The following P3H2 variants were observed in gnomAD, a reference collection of about 807,000 sequenced individuals.
The protein encoded by P3H2 is leprecan-like 1.
In P3H2, 80 loss-of-function variants were observed where a neutral mutation model predicts 87.0. That is an observed-to-expected ratio of 0.92 (90% CI 0.77 to 1.11). P3H2 has a LOEUF of 1.11. Among genes scored for constraint, P3H2 ranks in the 50% least tolerant of loss-of-function variants. The probability of loss-of-function intolerance (pLI) is 0.00; values close to 1 mark genes in which losing one functional copy is unlikely to be tolerated. For missense variants in P3H2, 1,001 were observed against 923.9 expected, an observed-to-expected ratio of 1.08 and a Z score of -1.08; for synonymous variants, 367 against 359.3, an observed-to-expected ratio of 1.02 and a Z score of -0.24.
intron 1 of P3H2, among the ~76,000 whole-genome samples, chr3:190,013,197 C>A (rs906066319): frequency 3.9e-5 from 6 of 152,142 alleles, no homozygotes; most frequent in African/African-American, 1.2e-4. Context: ...GAGGGCTACA[C>A]AGTAAATACA....
intron 1 of P3H2, among the ~76,000 whole-genome samples, chr3:190,067,512 T>G (rs1251437060): frequency 6.6e-6 from 1 of 152,164 alleles, no homozygotes; most frequent in Non-Finnish European, 1.5e-5. Flanking sequence ...AGATAAATGC[T>G]ACCATTCTAT....
At position 189,970,895 on chromosome 3, in the gene P3H2, T is replaced by C. The variant is rs758527490; in HGVS notation, c.1818-4A>G. 4.0e-6 allele frequency: 6 copies of C among 1,509,554 alleles called. No individual in the cohort carries two copies. Among genetic ancestry groups the C allele is most frequent in the Admixed American group, 1.7e-5 (1 of 59,890 alleles). The allele number at this position is 1,509,554 out of a possible 1,614,324, so 93.5% of individuals were successfully genotyped here. Reference sequence around the variant, plus strand: ...ATCATTCATATATAGGAGAGCACTATAAGAATGAAGAGAAAACTATTTGTA... The same window carrying C: ...ATCATTCATATATAGGAGAGCACTACAAGAATGAAGAGAAAACTATTTGTA... On this transcript the variant is annotated splice_region_variant and splice_polypyrimidine_tract_variant and intron_variant, in intron 12 of 14. Coordinates refer to ENST00000319332, the MANE Select transcript of P3H2 (RefSeq NM_018192.4).
intron 1 of P3H2, among the ~76,000 whole-genome samples, chr3:190,074,765 T>A (rs543139873): frequency 6.6e-6 from 1 of 152,238 alleles, no homozygotes; most frequent in Non-Finnish European, 1.5e-5. Flanking sequence ...ATTTGCTTTA[T>A]GTCTTTTCTC....
chr3:190,015,634 C>T (rs74538487), intron 1 of P3H2, among the ~76,000 whole-genome samples: 1,584 of 152,254 alleles, frequency 0.01, 26 homozygotes, highest in African/African-American at 0.037. Flanking sequence ...AGAGTAGGTC[C>T]AGCATTTCTG....
intron 8 of P3H2, among the ~76,000 whole-genome samples, chr3:189,981,135 A>G (rs1239149353): frequency 6.6e-6 from 1 of 152,194 alleles, no homozygotes; most frequent in Non-Finnish European, 1.5e-5. Context: ...CTTTATAATA[A>G]ACCAGTAAAC....
rs550853478 is a variant in P3H2 at position 190,029,487 on chromosome 3, T to C, written c.481-34045A>G. ...AGAAGTATCAACAGGCAAAAGGAAA[T>C]TGGTGACTTTCTTTTTTTTTTGCTT... On this transcript the variant is annotated intron_variant, in intron 1 of 14. Transcript: ENST00000319332. 2.6e-5 allele frequency among the ~76,000 whole-genome samples: 4 copies of C among 152,240 alleles called. No homozygotes were observed. In the East Asian group the frequency reaches 7.7e-4, roughly 29 times the overall value.
intron 1 of P3H2, among the ~76,000 whole-genome samples, chr3:190,002,716 T>C (rs1577265876): frequency 6.6e-6 from 1 of 152,196 alleles, no homozygotes; most frequent in Non-Finnish European, 1.5e-5. Context: ...GGGTTTCTAA[T>C]GTGTCAAACT....
At chr3:190,013,111 C>T (rs1195889001) in intron 1 of P3H2, among the ~76,000 whole-genome samples, 2 of 152,066 alleles carry the variant, frequency 1.3e-5, no homozygotes, top group South Asian at 2.1e-4. Flanking sequence ...ACCAACTATG[C>T]GTGATAGGCA....
At chr3:189,996,737 T>C (rs1180766355) in intron 1 of P3H2, among the ~76,000 whole-genome samples, 1 of 117,050 alleles carries the variant, frequency 8.5e-6, no homozygotes, top group Non-Finnish European at 1.9e-5. Flanking sequence ...TATGTATACT[T>C]ATTATGTGTC....
At chr3:190,054,834 G>A (rs777373905) in intron 1 of P3H2, among the ~76,000 whole-genome samples, 20 of 151,910 alleles carry the variant, frequency 1.3e-4, no homozygotes, top group African/African-American at 2.7e-4. Context: ...CTTACTACCC[G>A]CCTCTTCTTC....
At chr3:190,017,664 G>A (rs1200380047) in intron 1 of P3H2, among the ~76,000 whole-genome samples, 1 of 152,288 alleles carries the variant, frequency 6.6e-6, no homozygotes, top group East Asian at 1.9e-4. Context: ...TGCATGTGCC[G>A]AGTTGCTGAG....
chr3:189,965,154 C>A, intron 13 of P3H2, among the ~76,000 whole-genome samples: 1 of 152,332 alleles, frequency 6.6e-6, no homozygotes, highest in South Asian at 2.1e-4. Flanking sequence ...TTGACATATG[C>A]CCGTAAATCT....
chr3:190,033,937 G>A (rs552774677), intron 1 of P3H2, among the ~76,000 whole-genome samples: 7 of 152,210 alleles, frequency 4.6e-5, no homozygotes, highest in South Asian at 2.1e-4. Flanking sequence ...AGAAATTTGC[G>A]TACAGTGGTT....
chr3:189,990,548 AG>A (rs766223603), intron 3 of P3H2, among the ~76,000 whole-genome samples: 105 of 152,260 alleles, frequency 6.9e-4, no homozygotes, highest in Admixed American at 1.6e-3. Flanking sequence ...AGTGACAGAA[AG>A]GTATCCTTTA....
At chr3:190,114,604 T>C (rs1560023875) in intron 1 of P3H2, among the ~76,000 whole-genome samples, 1 of 152,172 alleles carries the variant, frequency 6.6e-6, no homozygotes, top group Admixed American at 6.5e-5. Flanking sequence ...ACAATTGTGA[T>C]TCTAATTCCT....
rs534145204 is a variant in P3H2, at chr3:190,031,556, G to C, written c.481-36114C>G. On this transcript the variant is annotated intron_variant, in intron 1 of 14. Coordinates refer to ENST00000319332, the MANE Select transcript of P3H2 (RefSeq NM_018192.4). ...GGAGGCTGAGGCAGGAGAATCACTG[G>C]AACCTGGGAGGTAGAGGCTGCGGTG... 3.3e-5 allele frequency among the ~76,000 whole-genome samples: 5 copies of C among 151,854 alleles called. No homozygotes were observed. In the South Asian group the frequency reaches 8.3e-4, roughly 25 times the overall value.
intron 1 of P3H2, among the ~76,000 whole-genome samples, chr3:190,066,143 G>GTGTA (rs58939026): frequency 3.6e-5 from 5 of 138,802 alleles, no homozygotes; most frequent in African/African-American, 1.4e-4. Flanking sequence ...ACTGTGGTGT[G>GTGTA]TATATATATA....
At chr3:190,087,460 C>T (rs948789604) in intron 1 of P3H2, among the ~76,000 whole-genome samples, 27 of 145,874 alleles carry the variant, frequency 1.9e-4, no homozygotes, top group African/African-American at 5.1e-4. Flanking sequence ...AGGAGAATGG[C>T]GTGAACCTGG....
At chr3:190,035,837 T>C (rs1052609498) in intron 1 of P3H2, among the ~76,000 whole-genome samples, 19 of 151,942 alleles carry the variant, frequency 1.3e-4, no homozygotes, top group African/African-American at 4.4e-4. Flanking sequence ...CTTATTAGAG[T>C]TTTTCCTTCA....
Sources: gnomAD v4.1 joint callset for allele counts (sites outside exome capture counted in the v4.1 genomes callset) on GRCh38, gnomAD v4.1.1 for gene constraint, MANE v1.5 for transcripts, NCBI Gene and HGNC (gene_info 2026-07-23, HGNC 2026-07-21) for gene names.